Variants in ROPN1L observed in about 807,000 individuals in gnomAD.
The protein encoded by ROPN1L is rhophilin associated tail protein 1 like.
A neutral mutation model predicts 22.7 loss-of-function variants in ROPN1L; 23 were observed. That is an observed-to-expected ratio of 1.01 (90% CI 0.73 to 1.43). The LOEUF (loss-of-function observed/expected upper bound fraction) is 1.43. Ranked by LOEUF, ROPN1L falls within the 40% of genes most tolerant of loss-of-function variation. ROPN1L has a pLI of 0.00. For synonymous variants in ROPN1L, 116 were observed against 117.8 expected (o/e 0.98, Z 0.10); for missense variants, 271 against 291.5 (o/e 0.93, Z 0.51).
chr5:10,471,487 G>A (rs888313323), intron 4 of ROPN1L, among the ~76,000 whole-genome samples: 4 of 152,152 alleles, frequency 2.6e-5, no homozygotes, highest in Admixed American at 6.5e-5. Flanking sequence ...TAGGTGGGGC[G>A]GCCTGTTAGG....
chr5:10,481,052 T>C, the ROPN1L span, among the ~76,000 whole-genome samples: 1 of 152,102 alleles, frequency 6.6e-6, no homozygotes, highest in Non-Finnish European at 1.5e-5. Flanking sequence ...TCAAGAGCTA[T>C]GAAGGGTCTG....
intron 4 of ROPN1L, 54 bp from the exon 5 acceptor site, chr5:10,464,794 C>T: frequency 1.0e-6 from 1 of 1,001,282 alleles, no homozygotes; most frequent in Admixed American, 2.5e-5. Context: ...AAAAATGTTA[C>T]TAAGTATATG....
rs563335856 is a variant in ROPN1L, at chr5:10,450,654, G to A, written c.417+541G>A. ...CTGATAGCTGGGATTACAGGCATGT[G>A]CCACCATGCCTGGCTAATTTTGTAT... On this transcript the variant is annotated intron_variant, in intron 3 of 4. Coordinates refer to ENST00000274134, the MANE Select transcript of ROPN1L (RefSeq NM_031916.5). Among the ~76,000 whole-genome samples, 17 of 152,216 alleles carry A rather than the reference G, an allele frequency of 1.1e-4. No homozygotes were observed. The South Asian group carries it at 3.1e-3, about 28-fold the overall frequency.
At chr5:10,463,523 AGG>A (rs1735083455) in intron 4 of ROPN1L, among the ~76,000 whole-genome samples, 1 of 152,168 alleles carries the variant, frequency 6.6e-6, no homozygotes, top group Non-Finnish European at 1.5e-5. Flanking sequence ...CAGGTCCTCC[AGG>A]CTCCAGCCCC....
At chr5:10,461,461 C>A in intron 4 of ROPN1L, 102 bp downstream of exon 4, 1 of 975,214 alleles carries the variant, frequency 1.0e-6, no homozygotes, top group Non-Finnish European at 1.6e-6. Context: ...CCTTTGCTCT[C>A]TCACCACAAC....
intron 3 of ROPN1L, 135 bp downstream of exon 3, chr5:10,450,248 C>G (rs1741212979): frequency 5.2e-6 from 3 of 580,860 alleles, no homozygotes; most frequent in African/African-American, 1.9e-5. Flanking sequence ...TGCTCCAGGC[C>G]TATTATATTA....
Position 10,461,182 on chromosome 5 carries a change from A to G in ROPN1L, c.418-2A>G, listed in dbSNP as rs1324793569. The G allele has an allele frequency of 1.2e-6, 2 of 1,609,748 alleles. No homozygotes were observed. The highest frequency in any genetic ancestry group is 1.7e-5 in the Admixed American group (1 of 59,636). On this transcript the variant is annotated splice_acceptor_variant, in intron 3 of 4. Transcript: ENST00000274134. LOFTEE classifies it high-confidence loss of function. The stretch of plus-strand genomic sequence containing the variant: ...CTCCCCACCTGGCTGTGGTGCTCCC[A>G]GTCCTTGAACACTGCGCTGAAGCAC...
rs765465053 is a variant in ROPN1L, at chr5:10,449,983, A to T, written c.287A>T (p.Asp96Val). 6.8e-6 allele frequency: 11 copies of T among 1,613,940 alleles called. No individual in the cohort carries two copies. The South Asian group carries it at 1.1e-4, about 16-fold the overall frequency. The change falls in exon 3 of 5, where the codon GAT becomes GTT. Residue 96 changes from aspartate (D) to valine (V), a missense_variant. Physicochemically the swap from Asp to Val is radical, Grantham distance 152 (BLOSUM62 -3). Coordinates refer to ENST00000274134, the MANE Select transcript of ROPN1L (RefSeq NM_031916.5). Reference sequence around the variant, plus strand: ...CACAAGCGGTATGTGGAATTAACAGATCTTGAGCAGAAGTGGAAGAACTTG... The same window carrying T: ...CACAAGCGGTATGTGGAATTAACAGTTCTTGAGCAGAAGTGGAAGAACTTG... The part of the protein sequence containing the change: ...CHHKRYVELT[D>V]LEQKWKNLCL...
downstream of ROPN1L, among the ~76,000 whole-genome samples, chr5:10,469,097 A>G (rs113044655): frequency 0.027 from 4,149 of 151,970 alleles, 168 homozygotes; most frequent in African/African-American, 0.091. Context: ...GGAGCTTGCA[A>G]TGAGCCGAGA....
chr5:10,452,069 C>G (rs1431001206), intron 3 of ROPN1L, among the ~76,000 whole-genome samples: 1 of 152,102 alleles, frequency 6.6e-6, no homozygotes, highest in African/African-American at 2.4e-5. Context: ...TCACTGCAAC[C>G]TCCCAGGTTC....
At chr5:10,452,317 G>GTGTGTGTC (rs1554029748) in intron 3 of ROPN1L, among the ~76,000 whole-genome samples, 18 of 142,432 alleles carry the variant, frequency 1.3e-4, no homozygotes, top group African/African-American at 5.0e-4. Context: ...GTGTGTGTCT[G>GTGTGTGTC]TGTGTGTGTG....
chr5:10,453,282 G>A (rs564602696), intron 3 of ROPN1L, among the ~76,000 whole-genome samples: 3 of 152,194 alleles, frequency 2.0e-5, no homozygotes, highest in East Asian at 1.9e-4. Context: ...CCTGGCTCCC[G>A]CGGCCCACAG....
At chr5:10,451,873 A>G (rs1273838145) in intron 3 of ROPN1L, among the ~76,000 whole-genome samples, 3 of 152,166 alleles carry the variant, frequency 2.0e-5, no homozygotes, top group African/African-American at 7.2e-5. Flanking sequence ...AAAGGCAAAT[A>G]CTTTTAATTA....
chr5:10,443,723 C>A (rs1740965069), intron 1 of ROPN1L, among the ~76,000 whole-genome samples: 1 of 152,132 alleles, frequency 6.6e-6, no homozygotes, highest in Non-Finnish European at 1.5e-5. Flanking sequence ...GTTGACAGGG[C>A]TTTGCTCTTT....
At chr5:10,466,596 T>G (rs544222725), downstream of ROPN1L, among the ~76,000 whole-genome samples, 20 of 152,230 alleles carry the variant, frequency 1.3e-4, no homozygotes, top group African/African-American at 4.6e-4. Context: ...GCATGTGGTG[T>G]TTCAGTAATA....
At chr5:10,470,482 C>T (rs907442995) in intron 4 of ROPN1L, among the ~76,000 whole-genome samples, 2 of 152,236 alleles carry the variant, frequency 1.3e-5, no homozygotes, top group African/African-American at 4.8e-5. Context: ...ACAGCATTCC[C>T]CGTATCTGTC....
chr5:10,462,008 C>T (rs1276892897), intron 4 of ROPN1L, among the ~76,000 whole-genome samples: 1 of 152,120 alleles, frequency 6.6e-6, no homozygotes, highest in Non-Finnish European at 1.5e-5. Flanking sequence ...AAGCCCTGTC[C>T]TTTTAGGGTT....
chr5:10,462,274 A>G (rs149046375), intron 4 of ROPN1L, among the ~76,000 whole-genome samples: 1 of 152,308 alleles, frequency 6.6e-6, no homozygotes, highest in Non-Finnish European at 1.5e-5. Flanking sequence ...TTGAAGACCA[A>G]ATATATATTT....
intron 1 of ROPN1L, among the ~76,000 whole-genome samples, chr5:10,442,967 C>G (rs1579638929): frequency 6.6e-6 from 1 of 152,186 alleles, no homozygotes; most frequent in African/African-American, 2.4e-5. Flanking sequence ...CTCTTTGCCC[C>G]TTTTCAATAA....
Sources: gnomAD v4.1 joint callset for allele counts (sites outside exome capture counted in the v4.1 genomes callset) on GRCh38, gnomAD v4.1.1 for gene constraint, MANE v1.5 for transcripts, NCBI Gene and HGNC (gene_info 2026-07-23, HGNC 2026-07-21) for gene names.